Variants in WDR47 observed in about 807,000 individuals in gnomAD.
The protein encoded by WDR47 is WD repeat-containing protein 47.
A neutral mutation model predicts 97.2 loss-of-function variants in WDR47; 32 were observed. That is an observed-to-expected ratio of 0.33 (90% CI 0.25 to 0.44). The LOEUF (loss-of-function observed/expected upper bound fraction) is 0.44. Among genes scored for constraint, WDR47 ranks in the 20% least tolerant of loss-of-function variants. The pLI is 1.00. For synonymous variants in WDR47, 375 were observed against 373.5 expected, an observed-to-expected ratio of 1.00 and a Z score of -0.05; for missense variants, 782 against 1,102.3, an observed-to-expected ratio of 0.71 and a Z score of 4.11.
chr1:109,011,552 A>T lies in WDR47; in HGVS notation c.494T>A (p.Phe165Tyr). 4 of 1,614,200 alleles carry T rather than the reference A, an allele frequency of 2.5e-6. No homozygotes were observed. The highest frequency in any genetic ancestry group is 3.4e-6 in the Non-Finnish European group (4 of 1,180,046). Reference sequence around the variant, plus strand: ...TGCAACCATGACACAAGCCTCTTCAAAACAGTGAACTCGTGCGGTGCTGGG... The same window carrying T: ...TGCAACCATGACACAAGCCTCTTCATAACAGTGAACTCGTGCGGTGCTGGG... ...WNPSTARVHC[F>Y]EEACVMVAEF... The change falls in exon 5 of 15, where the codon TTT (phenylalanine) becomes TAT (tyrosine). Residue 165 changes from phenylalanine to tyrosine, a missense_variant. Physicochemically the swap from Phe to Tyr is conservative, Grantham distance 22 (BLOSUM62 3). Around this residue, in one of 3 missense-constraint regions of WDR47, gnomAD observed 428 missense variants for 584.3 expected, o/e 0.73. Transcript: ENST00000369962.
rs1480066112 is a variant in WDR47, at chr1:108,974,564, A to G, written c.2589T>C (p.Asp863=). The part of the protein sequence containing the change: ...GAHYLLTGSY[D]MKIKVTDLQG... ...GTAGGTCTGTCACCTTTATTTTCAT[A>G]TCATAAGAGCCTGTTAGCAAGTAGT... Residue 863 remains aspartate (D), a synonymous_variant, in exon 14 of 15, where the codon GAT becomes GAC. Coordinates refer to ENST00000369962, the MANE Select transcript of WDR47 (RefSeq NM_001142551.2). 1 of 1,614,158 alleles carries G rather than the reference A, an allele frequency of 6.2e-7. No individual in the cohort carries two copies. The highest frequency in any genetic ancestry group is 1.1e-5 in the South Asian group (1 of 91,078).
intron 4 of WDR47, among the ~76,000 whole-genome samples, 197 bp from the exon 5 acceptor site, chr1:109,011,915 A>C (rs981875915): frequency 6.6e-6 from 1 of 152,222 alleles, no homozygotes; most frequent in African/African-American, 2.4e-5. Flanking sequence ...TTATTAGTAC[A>C]TTAAACTTTT....
At position 109,042,023 on chromosome 1, in the gene WDR47, C is replaced by G. The variant is rs554188739; in HGVS notation, c.-171G>C. Reference sequence around the variant, plus strand: ...TCCCTCCTACCGCCCGCGCGTCAATCCATCAGTTCGTCAATCCGTCCTTCT... The same window carrying G: ...TCCCTCCTACCGCCCGCGCGTCAATGCATCAGTTCGTCAATCCGTCCTTCT... On this transcript the variant is annotated 5_prime_UTR_variant, in exon 1 of 15. Transcript: ENST00000369962. 2.4e-4 allele frequency: 37 copies of G among 152,562 alleles called. No individual in the cohort carries two copies. Among genetic ancestry groups the G allele is most frequent in the Middle Eastern group, 3.4e-3 (1 of 292 alleles). 9.5% of individuals were successfully genotyped at this position (152,562 alleles called of 1,614,324 possible).
At chr1:108,991,363 C>T (rs1324130573) in intron 8 of WDR47, 34 bp from the exon 9 acceptor site, 2 of 1,564,392 alleles carry the variant, frequency 1.3e-6, no homozygotes, top group South Asian at 1.1e-5. Context: ...AAGTTTACTC[C>T]ATGTATCAAA....
At chr1:109,026,558 C>T (rs1416994636) in intron 1 of WDR47, among the ~76,000 whole-genome samples, 1 of 152,076 alleles carries the variant, frequency 6.6e-6, no homozygotes, top group Non-Finnish European at 1.5e-5. Context: ...TCAGGTAATT[C>T]TTACTAGCAA....
Position 108,971,464 on chromosome 1 carries a change from T to C in WDR47, c.2726A>G (p.Asp909Gly). The change falls in exon 15 of 15, where the codon GAT becomes GGT. Residue 909 changes from aspartate to glycine, a missense_variant. This residue lies in a region of WDR47 where 228 missense variants were observed against 396.7 expected (regional missense o/e 0.57). Transcript: ENST00000369962. ...QDLSFLSSSADRTVTLWTYNG is the reference protein window; with the variant it reads ...QDLSFLSSSAGRTVTLWTYNG ...GTAAGTCCAGAGGGTGACAGTTCTA[T>C]CTGCAGAGGATGACAGGAAGGAAAG... 6.2e-7 allele frequency: 1 copy of C among 1,614,226 alleles called. No individual in the cohort carries two copies. Among genetic ancestry groups the C allele is most frequent in the Non-Finnish European group, 8.5e-7 (1 of 1,180,048 alleles).
intron 5 of WDR47, among the ~76,000 whole-genome samples, chr1:109,008,188 A>G (rs1460238898): frequency 6.6e-6 from 1 of 152,184 alleles, no homozygotes; most frequent in East Asian, 1.9e-4. Context: ...TCTAAAGCAC[A>G]TGAAAGAAAA....
intron 1 of WDR47, among the ~76,000 whole-genome samples, chr1:109,033,998 A>G (rs1165304109): frequency 6.6e-6 from 1 of 152,228 alleles, no homozygotes; most frequent in African/African-American, 2.4e-5. Context: ...TTTTACCTAC[A>G]AAAATGTTGG....
In WDR47 at chr1:108,970,425, C is replaced by T. The variant is rs1225307643; in HGVS notation, c.*1005G>A. The T allele has an allele frequency of 6.6e-6, 1 of 152,382 alleles. No homozygotes were observed. Among genetic ancestry groups the T allele is most frequent in the Non-Finnish European group, 1.5e-5 (1 of 67,988 alleles). The allele number at this position is 152,382 out of a possible 1,614,324, so 9.4% of individuals were successfully genotyped here. A position where few individuals can be genotyped will look rare whatever the true frequency, so the allele number is the denominator to read the frequency against. ...ACTGTACAATATGAAAATAAAGATA[C>T]ATAAATGTTAGAATCTACAAAGCTG... is the stretch of plus-strand genomic sequence containing the variant. On this transcript the variant is annotated 3_prime_UTR_variant, in exon 15 of 15. Coordinates refer to ENST00000369962, the MANE Select transcript of WDR47 (RefSeq NM_001142551.2).
intron 9 of WDR47, chr1:108,987,152 G>T: frequency 1.1e-5 from 2 of 188,816 alleles, no homozygotes; most frequent in Non-Finnish European, 1.2e-5. Context: ...AGCTTCTCCT[G>T]GATAGTTTCT....
At chr1:108,980,636 G>A (rs1658267746) in intron 13 of WDR47, among the ~76,000 whole-genome samples, 1 of 152,104 alleles carries the variant, frequency 6.6e-6, no homozygotes, top group South Asian at 2.1e-4. Flanking sequence ...GGCTGAGACA[G>A]GACAATCACC....
At chr1:109,025,019 T>C (rs1662100518) in intron 1 of WDR47, 1 of 152,152 alleles carries the variant, frequency 6.6e-6, no homozygotes, top group African/African-American at 2.4e-5. Context: ...AAAAAATATA[T>C]GTAGGCCCAC....
rs1658368893 is a variant in WDR47, at chr1:108,981,861, T to C, written c.2270A>G (p.His757Arg). ...ACTCCAGGTATAAAGTGCTAAAATA[T>C]GCCCTATAAAAGATCATATACTCAA... ...GLHALSGHTG[H>R]ILALYTWSGW... The change falls in exon 13 of 15, where the codon CAT becomes CGT. Residue 757 changes from histidine (H) to arginine (R), a missense_variant. Around this residue, in one of 3 missense-constraint regions of WDR47, gnomAD observed 228 missense variants for 396.7 expected, o/e 0.57. Transcript: ENST00000369962. 7 of 1,612,232 alleles carry C rather than the reference T, an allele frequency of 4.3e-6. No individual in the cohort carries two copies. The highest frequency in any genetic ancestry group is 5.9e-6 in the Non-Finnish European group (7 of 1,179,128).
intron 1 of WDR47, among the ~76,000 whole-genome samples, chr1:109,038,322 C>A (rs1452983774): frequency 6.6e-6 from 1 of 152,130 alleles, no homozygotes; most frequent in Non-Finnish European, 1.5e-5. Context: ...AGCTACTGTG[C>A]TGTGAAGTAT....
chr1:109,037,054 G>A (rs1029785517), intron 1 of WDR47, among the ~76,000 whole-genome samples: 1 of 152,140 alleles, frequency 6.6e-6, no homozygotes, highest in African/African-American at 2.4e-5. Flanking sequence ...AAATCGCCAG[G>A]TGCGGTGGCT....
chr1:108,974,836 A>G, intron 13 of WDR47, 82 bp from the exon 14 acceptor site: 1 of 1,025,698 alleles, frequency 9.7e-7, no homozygotes, highest in South Asian at 1.5e-5. Flanking sequence ...CCATTGAACC[A>G]TATACTAAAG....
At chr1:109,036,669 T>C (rs1662973396) in intron 1 of WDR47, among the ~76,000 whole-genome samples, 1 of 151,784 alleles carries the variant, frequency 6.6e-6, no homozygotes. Context: ...ACCCCGTCTC[T>C]ACTAACAATA....
chr1:109,002,529 A>G, intron 6 of WDR47, 127 bp from the exon 7 acceptor site: 1 of 789,036 alleles, frequency 1.3e-6, no homozygotes, highest in South Asian at 2.7e-5. Flanking sequence ...AAAATACTTA[A>G]TCTATTGCTC....
At chr1:108,975,739 A>G (rs778752133) in intron 13 of WDR47, among the ~76,000 whole-genome samples, 36 of 152,050 alleles carry the variant, frequency 2.4e-4, no homozygotes, top group Non-Finnish European at 5.9e-5. Context: ...AAGACTTCAT[A>G]AAAAAATGGG....
Sources: gnomAD v4.1 joint callset for allele counts (sites outside exome capture counted in the v4.1 genomes callset) on GRCh38, gnomAD v4.1.1 for gene constraint, gnomAD v4.1.1 regional missense constraint, MANE v1.5 for transcripts, NCBI Gene and HGNC (gene_info 2026-07-23, HGNC 2026-07-21) for gene names.